The following ST3GAL1 variants were observed in gnomAD, a reference collection of about 807,000 sequenced individuals.
ST3GAL1 encodes ST3 beta-galactoside alpha-2,3-sialyltransferase 1, also known as CMP-N-acetylneuraminate-beta-galactosamide-alpha-2,3-sialyltransferase 1.
ST3GAL1 carries 16 observed loss-of-function variants against 34.1 expected under a neutral mutation model. The ratio of observed to expected loss-of-function variants is 0.47; its 90% CI spans 0.32 to 0.71. The LOEUF is 0.71. ST3GAL1 is among the 30% of genes least tolerant of loss of function. ST3GAL1 has a pLI of 0.04. For missense variants in ST3GAL1, 353 were observed against 447.4 expected, an observed-to-expected ratio of 0.79 and a Z score of 1.90; for synonymous variants, 191 against 184.7, an observed-to-expected ratio of 1.03 and a Z score of -0.28.
chr8:133,464,193 T>A (rs1815635394), intron 7 of ST3GAL1, among the ~76,000 whole-genome samples: 1 of 151,922 alleles, frequency 6.6e-6, no homozygotes, highest in Non-Finnish European at 1.5e-5. Context: ...AGCTCCAGAG[T>A]CCTCACTGGG....
intron 3 of ST3GAL1, among the ~76,000 whole-genome samples, chr8:133,487,704 C>T (rs1325427481): frequency 6.6e-6 from 1 of 151,976 alleles, no homozygotes; most frequent in Non-Finnish European, 1.5e-5. Context: ...TGTGGTGGCT[C>T]ATGCCTGTAA....
At chr8:133,485,116 G>A (rs886617840) in intron 3 of ST3GAL1, among the ~76,000 whole-genome samples, 17 of 152,110 alleles carry the variant, frequency 1.1e-4, no homozygotes, top group Non-Finnish European at 1.3e-4. Context: ...TCCTATGCTG[G>A]CCACTGTCTA....
chr8:133,474,229 G>A (rs1816072785), intron 5 of ST3GAL1, among the ~76,000 whole-genome samples: 1 of 152,122 alleles, frequency 6.6e-6, no homozygotes, highest in Admixed American at 6.5e-5. Flanking sequence ...GGCTCCAAGG[G>A]GAGTTGGACA....
intron 7 of ST3GAL1, 62 bp downstream of exon 7, chr8:133,464,715 TG>T (rs1209252447): frequency 1.5e-5 from 23 of 1,524,650 alleles, no homozygotes; most frequent in South Asian, 1.4e-4. Context: ...CACGGCAGGG[TG>T]GGGGGACAGG....
intron 5 of ST3GAL1, among the ~76,000 whole-genome samples, chr8:133,470,973 C>T (rs1815930775): frequency 6.6e-6 from 1 of 152,174 alleles, no homozygotes; most frequent in South Asian, 2.1e-4. Context: ...CCACACCCGT[C>T]CCGAGAGTGT....
At chr8:133,473,460 T>A (rs946100864) in intron 5 of ST3GAL1, among the ~76,000 whole-genome samples, 2 of 152,122 alleles carry the variant, frequency 1.3e-5, no homozygotes, top group Non-Finnish European at 2.9e-5. Context: ...ACCCTGTTTG[T>A]CCCCAAAAGG....
intron 1 of ST3GAL1, among the ~76,000 whole-genome samples, chr8:133,548,648 C>A (rs924272527): frequency 6.6e-6 from 1 of 152,160 alleles, no homozygotes; most frequent in Non-Finnish European, 1.5e-5. Flanking sequence ...CTTCCAAACT[C>A]GAAGCTGGAT....
At position 133,457,645 on chromosome 8, in the gene ST3GAL1, C is replaced by G. The variant is rs939823446; in HGVS notation, c.*2119G>C. ...GTTTTCGGTTTGTTTAACACATTCC[C>G]CATTCTGAACCTTTGAGAATCTAAT... On this transcript the variant is annotated 3_prime_UTR_variant, in exon 10 of 10. Coordinates refer to ENST00000522652, the MANE Select transcript of ST3GAL1 (RefSeq NM_173344.3). 4 of 152,344 alleles carry G rather than the reference C, an allele frequency of 2.6e-5. No homozygotes were observed. Among genetic ancestry groups the G allele is most frequent in the African/African-American group, 9.6e-5 (4 of 41,590 alleles). 9.4% of individuals were successfully genotyped at this position (152,344 alleles called of 1,614,324 possible). A position where few individuals can be genotyped will look rare whatever the true frequency, so the allele number is the denominator to read the frequency against.
At chr8:133,551,596 AAG>A (rs1283341582) in intron 1 of ST3GAL1, among the ~76,000 whole-genome samples, 2 of 149,872 alleles carry the variant, frequency 1.3e-5, no homozygotes, top group Admixed American at 6.7e-5. Flanking sequence ...GAAAGAAAGA[AAG>A]AAAGAAAGAA....
At chr8:133,460,267 T>G (rs963159773) in intron 9 of ST3GAL1, among the ~76,000 whole-genome samples, 1 of 152,026 alleles carries the variant, frequency 6.6e-6, no homozygotes, top group South Asian at 2.1e-4. Flanking sequence ...AGGGAAGGAA[T>G]AGGAAGGAGG....
In ST3GAL1 at chr8:133,571,299, G is replaced by C. The variant is rs1008983795; in HGVS notation, c.-582+394C>G. ...CCCCAGCGGAGGAGATCCCAGCCCG[G>C]CGCCGGGTGCAATGTCACTGGGGCT... On this transcript the variant is annotated intron_variant, in intron 1 of 9. Transcript: ENST00000522652. This position sits in a 1 kb window ranked among gnomAD's most constrained non-coding sequence, Gnocchi z 6.7. Among the ~76,000 whole-genome samples the C allele has an allele frequency of 6.6e-6, 1 of 152,180 alleles. No homozygotes were observed. The highest frequency in any genetic ancestry group is 1.5e-5 in the Non-Finnish European group (1 of 68,024).
At chr8:133,513,934 C>T (rs1817570239) in intron 2 of ST3GAL1, among the ~76,000 whole-genome samples, 1 of 151,936 alleles carries the variant, frequency 6.6e-6, no homozygotes, top group African/African-American at 2.4e-5. Flanking sequence ...ATTTTGATCC[C>T]TGTGCTAAGA....
intron 2 of ST3GAL1, among the ~76,000 whole-genome samples, chr8:133,543,643 A>T (rs1213589095): frequency 2.0e-5 from 3 of 152,124 alleles, no homozygotes; most frequent in Non-Finnish European, 2.9e-5. Flanking sequence ...GTTTCATGAG[A>T]TTGAGAAAAA....
rs547868358 is a variant in ST3GAL1 at position 133,557,902 on chromosome 8, C to A, written c.-581-11976G>T. Among the ~76,000 whole-genome samples, 43 of 119,466 alleles carry A rather than the reference C, an allele frequency of 3.6e-4. 1 individual carries two copies. In the South Asian group the frequency reaches 0.01, roughly 29 times the overall value. 78.4% of individuals were successfully genotyped at this position (119,466 alleles called of 152,430 possible). Reference sequence around the variant, plus strand: ...CCTGGGCAACAGAGTGAGACTCCGTCTCAAAAAAAAAAAAAAAAAAAAGAG... The same window carrying A: ...CCTGGGCAACAGAGTGAGACTCCGTATCAAAAAAAAAAAAAAAAAAAAGAG... On this transcript the variant is annotated intron_variant, in intron 1 of 9. Coordinates refer to ENST00000522652, the MANE Select transcript of ST3GAL1 (RefSeq NM_173344.3).
At chr8:133,472,295 TG>T (rs1380271520) in intron 5 of ST3GAL1, among the ~76,000 whole-genome samples, 7 of 152,180 alleles carry the variant, frequency 4.6e-5, no homozygotes, top group Admixed American at 4.6e-4. Flanking sequence ...AGGAGGACTA[TG>T]AAGCTCAGGG....
intron 2 of ST3GAL1, among the ~76,000 whole-genome samples, chr8:133,536,274 G>A (rs986509762): frequency 1.3e-5 from 2 of 152,164 alleles, no homozygotes; most frequent in African/African-American, 2.4e-5. Flanking sequence ...TCTGCAATGT[G>A]GACTCTGTTC....
At chr8:133,496,008 AC>A (rs1174053344) in intron 3 of ST3GAL1, among the ~76,000 whole-genome samples, 1 of 152,170 alleles carries the variant, frequency 6.6e-6, no homozygotes, top group East Asian at 1.9e-4. Context: ...TGTTTAATTG[AC>A]AGACGGACAG....
At chr8:133,468,374 A>G (rs1815825926) in intron 5 of ST3GAL1, among the ~76,000 whole-genome samples, 1 of 152,228 alleles carries the variant, frequency 6.6e-6, no homozygotes, top group African/African-American at 2.4e-5. Context: ...CATAGAAGGA[A>G]AAATATTATA....
In ST3GAL1 at chr8:133,461,435, A is replaced by G. The variant is rs1033254661; in HGVS notation, c.849+440T>C. On this transcript the variant is annotated intron_variant, in intron 9 of 9. Coordinates refer to ENST00000522652, the MANE Select transcript of ST3GAL1 (RefSeq NM_173344.3). The surrounding 1 kb of genome is among the most constrained non-coding windows in gnomAD (Gnocchi z 4.7). Reference sequence around the variant, plus strand: ...TCACGGGTTCTCAACCTCGGTAGACAGTGGAACCCCTGGGTACCTGGCTCC... The same window carrying G: ...TCACGGGTTCTCAACCTCGGTAGACGGTGGAACCCCTGGGTACCTGGCTCC... 6.6e-6 allele frequency among the ~76,000 whole-genome samples: 1 copy of G among 152,188 alleles called. No homozygotes were observed. The highest frequency in any genetic ancestry group is 2.4e-5 in the African/African-American group (1 of 41,434).
Sources: allele counts gnomAD v4.1 joint callset (sites outside exome capture counted in the v4.1 genomes callset), GRCh38; gene constraint gnomAD v4.1.1; non-coding constraint Gnocchi (gnomAD v3.1); transcripts MANE v1.5; gene names NCBI Gene and HGNC (gene_info 2026-07-23, HGNC 2026-07-21).